Variants in USP42 observed in about 807,000 individuals in gnomAD.
USP42 encodes ubiquitin specific peptidase 42.
A neutral mutation model predicts 113.0 loss-of-function variants in USP42; 23 were observed. The observed-to-expected ratio is 0.20, with a 90% CI of 0.15 to 0.29. The LOEUF (loss-of-function observed/expected upper bound fraction) is 0.29, where lower values mean the gene tolerates loss of function less well. Ranked by LOEUF, USP42 falls within the 10% of genes least tolerant of loss-of-function variation. The pLI is 1.00. For synonymous variants in USP42, 933 were observed against 699.0 expected (o/e 1.33, Z -5.28); for missense variants, 2,174 against 1,779.8 (o/e 1.22, Z -3.99).
intron 11 of USP42, among the ~76,000 whole-genome samples, chr7:6,146,640 G>C (rs897984475): frequency 1.3e-5 from 2 of 152,118 alleles, no homozygotes; most frequent in African/African-American, 4.8e-5. Flanking sequence ...ATTCCAGCCT[G>C]AGTGACAGAG....
Position 6,108,363 on chromosome 7 carries a change from C to A in USP42, c.-9-2762C>A, listed in dbSNP as rs564248998. ...GACCAGCCTGGGCAACGTAGTGAGACCCTGTCTCTACAAAAAAGAAAAACC... is the reference window on the plus strand; with the variant it reads ...GACCAGCCTGGGCAACGTAGTGAGAACCTGTCTCTACAAAAAAGAAAAACC... On this transcript the variant is annotated intron_variant, in intron 1 of 17. Transcript: ENST00000306177. Among the ~76,000 whole-genome samples the A allele has an allele frequency of 1.3e-3, 203 of 152,218 alleles. 1 individual carries two copies. The highest frequency in any genetic ancestry group is 4.8e-3 in the African/African-American group (198 of 41,534).
rs1298608630 is a variant in USP42 at position 6,149,768 on chromosome 7, C to T, written c.1572C>T (p.Ile524=). ...PEHPKKQKIT[I]SIHNKLPVRQ... ...ATCCTAAGAAACAAAAAATTACAAT[C>T]AGTATTCACAACAAGTTGCCTGTTC... is the stretch of plus-strand genomic sequence containing the variant. The change falls in exon 13 of 18, where the codon ATC becomes ATT. Residue 524 remains isoleucine (I), a synonymous_variant. Coordinates refer to ENST00000306177, the MANE Select transcript of USP42 (RefSeq NM_032172.3). 8.7e-6 allele frequency: 14 copies of T among 1,613,886 alleles called. No homozygotes were observed. The highest frequency in any genetic ancestry group is 1.2e-5 in the Non-Finnish European group (14 of 1,179,900).
chr7:6,089,911 A>G, the USP42 span, among the ~76,000 whole-genome samples: 2 of 151,024 alleles, frequency 1.3e-5, no homozygotes, highest in Admixed American at 1.3e-4. Context: ...GGAGGCGCCA[A>G]TGTGGCTTGA....
At chr7:6,152,593 A>T (rs1205111928) in intron 14 of USP42, among the ~76,000 whole-genome samples, 1 of 152,182 alleles carries the variant, frequency 6.6e-6, no homozygotes, top group Non-Finnish European at 1.5e-5. Flanking sequence ...GGGAACACTC[A>T]TTCCCAACCT....
chr7:6,149,310 A>T (rs1375229189), intron 12 of USP42, among the ~76,000 whole-genome samples: 1 of 152,214 alleles, frequency 6.6e-6, no homozygotes, highest in Non-Finnish European at 1.5e-5. Flanking sequence ...GATTTCGATC[A>T]GATCTGGGAC....
Position 6,156,954 on chromosome 7 carries a change from G to A in USP42, c.3842G>A (p.Gly1281Asp), listed in dbSNP as rs1344151584. Residue 1281 changes from glycine to aspartate, a missense_variant, in exon 16 of 18, where the codon GGT becomes GAT. Transcript: ENST00000306177. ...RRAQGGFPLS[G>D]GPPLEGVGPF... ...GCCCAGGGTGGCTTTCCTCTCTCTGGTGGCCCGCCTCTGGAAGGCGTCGGA... is the reference window on the plus strand; with the variant it reads ...GCCCAGGGTGGCTTTCCTCTCTCTGATGGCCCGCCTCTGGAAGGCGTCGGA... 1 of 1,613,672 alleles carries A rather than the reference G, an allele frequency of 6.2e-7. No homozygotes were observed. Among genetic ancestry groups the A allele is most frequent in the African/African-American group, 1.3e-5 (1 of 74,926 alleles).
chr7:6,128,786 A>G (rs993125187), intron 3 of USP42, among the ~76,000 whole-genome samples: 2 of 151,902 alleles, frequency 1.3e-5, no homozygotes, highest in African/African-American at 4.8e-5. Flanking sequence ...GTGTTTTTCA[A>G]AATTACATCA....
chr7:6,097,177 A>G, the USP42 span, among the ~76,000 whole-genome samples: 5 of 150,994 alleles, frequency 3.3e-5, no homozygotes, highest in African/African-American at 1.2e-4. Flanking sequence ...TATACATGAC[A>G]GCCACCTCGG....
chr7:6,086,652 T>TTTCCTCCTTCCC, the USP42 span, among the ~76,000 whole-genome samples: 1 of 150,152 alleles, frequency 6.7e-6, no homozygotes, highest in Non-Finnish European at 1.5e-5. Flanking sequence ...AGCCTTTTCC[T>TTTCCTCCTTCCC]TTCCTCCTTC....
At chr7:6,143,556 T>A (rs1781545050) in intron 8 of USP42, among the ~76,000 whole-genome samples, 1 of 152,174 alleles carries the variant, frequency 6.6e-6, no homozygotes, top group Non-Finnish European at 1.5e-5. Context: ...TAAGTAGATT[T>A]CCACTTTGTG....
At chr7:6,146,284 T>G in intron 11 of USP42, 36 bp downstream of exon 11, 1 of 1,291,058 alleles carries the variant, frequency 7.7e-7, no homozygotes. Context: ...GATTTTCTGG[T>G]ATGTCATTTC....
chr7:6,139,244 T>A lies in USP42; in HGVS notation c.656+50T>A. On this transcript the variant is annotated intron_variant, in intron 5 of 17. Coordinates refer to ENST00000306177, the MANE Select transcript of USP42 (RefSeq NM_032172.3). This position sits in a 1 kb window ranked among gnomAD's most constrained non-coding sequence, Gnocchi z 4.5. ...TGTCTTCATTGGGGATCTCTGGTTG[T>A]AGTTTATTCTTATCAGAATTCATTT... The A allele has an allele frequency of 7.4e-7, 1 of 1,355,320 alleles. No individual in the cohort carries two copies. Among genetic ancestry groups the A allele is most frequent in the South Asian group, 1.4e-5 (1 of 73,254 alleles). 84.0% of individuals were successfully genotyped at this position (1,355,320 alleles called of 1,614,324 possible). A position where few individuals can be genotyped will look rare whatever the true frequency, so the allele number is the denominator to read the frequency against.
At chr7:6,099,208 TCTC>T in the USP42 span, among the ~76,000 whole-genome samples, 8 of 113,942 alleles carry the variant, frequency 7.0e-5, no homozygotes, top group Non-Finnish European at 1.0e-4. Flanking sequence ...CATTGTTCCC[TCTC>T]TTTTTTTTTT....
At chr7:6,120,592 G>C (rs751107742) in intron 3 of USP42, among the ~76,000 whole-genome samples, 8 of 151,876 alleles carry the variant, frequency 5.3e-5, no homozygotes, top group Admixed American at 1.3e-4. Context: ...GAGCCACTAT[G>C]CCTGGCCTAG....
the USP42 span, among the ~76,000 whole-genome samples, chr7:6,092,007 TC>T: frequency 2.3e-5 from 2 of 88,300 alleles, no homozygotes; most frequent in African/African-American, 4.1e-5. Flanking sequence ...TTCTTCTTCT[TC>T]TTCTTCTTCT....
At chr7:6,122,997 T>C (rs1439973525) in intron 3 of USP42, among the ~76,000 whole-genome samples, 3 of 151,942 alleles carry the variant, frequency 2.0e-5, no homozygotes, top group Non-Finnish European at 2.9e-5. Context: ...CTGATTTTTG[T>C]ATTTTTTAGT....
chr7:6,112,088 T>C (rs1779627270), intron 2 of USP42: 1 of 152,244 alleles, frequency 6.6e-6, no homozygotes, highest in Non-Finnish European at 1.5e-5. Context: ...TTACCCAGTT[T>C]TTTTTGTTTT....
chr7:6,081,399 C>G, the USP42 span: 2 of 152,286 alleles, frequency 1.3e-5, no homozygotes, highest in African/African-American at 4.8e-5. Context: ...AGCCACAGCC[C>G]CGGCCCCGCC....
At chr7:6,143,080 T>G in intron 8 of USP42, 66 bp downstream of exon 8, 1 of 1,534,954 alleles carries the variant, frequency 6.5e-7, no homozygotes, top group Non-Finnish European at 9.0e-7. Flanking sequence ...GCAGGCTTGG[T>G]TTGAGAGAGT....
Sources: gnomAD v4.1 joint callset for allele counts (sites outside exome capture counted in the v4.1 genomes callset) on GRCh38, gnomAD v4.1.1 for gene constraint, Gnocchi (gnomAD v3.1) non-coding constraint, MANE v1.5 for transcripts, NCBI Gene and HGNC (gene_info 2026-07-23, HGNC 2026-07-21) for gene names.